The following CBL variants were observed in gnomAD, a reference collection of about 807,000 sequenced individuals.
The protein encoded by CBL is Cbl proto-oncogene.
CBL carries 45 observed loss-of-function variants against 96.9 expected under a neutral mutation model. The observed-to-expected ratio is 0.46, with a 90% confidence interval of 0.37 to 0.60. The LOEUF is 0.60. CBL is among the 20% of genes least tolerant of loss of function. The probability of loss-of-function intolerance (pLI) is 0.00; values close to 1 mark genes in which losing one functional copy is unlikely to be tolerated. For missense variants in CBL, 1,024 were observed against 1,143.5 expected, an observed-to-expected ratio of 0.90 and a Z score of 1.51; for synonymous variants, 420 against 426.8, an observed-to-expected ratio of 0.98 and a Z score of 0.20.
rs756478069 is a variant in CBL at position 119,273,851 on chromosome 11, C to A, written c.591-17C>A. On this transcript the variant is annotated splice_polypyrimidine_tract_variant and intron_variant, in intron 3 of 15. Transcript: ENST00000264033. ...TCTGTTATTTCACTTTATGCCTCCTCTCCACCCCCTCCCCAGGACAATAGT... is the reference window on the plus strand; with the variant it reads ...TCTGTTATTTCACTTTATGCCTCCTATCCACCCCCTCCCCAGGACAATAGT... The A allele has an allele frequency of 1.2e-6, 2 of 1,611,930 alleles. No individual in the cohort carries two copies. The highest frequency in any genetic ancestry group is 1.7e-6 in the Non-Finnish European group (2 of 1,178,230).
intron 12 of CBL, among the ~76,000 whole-genome samples, chr11:119,293,556 C>T (rs1347613685): frequency 6.6e-6 from 1 of 152,070 alleles, no homozygotes; most frequent in African/African-American, 2.4e-5. Context: ...TAGCCCCAAG[C>T]GTAAACAGTT....
intron 2 of CBL, among the ~76,000 whole-genome samples, chr11:119,258,804 TTCTTTA>T (rs1304537953): frequency 6.6e-6 from 1 of 152,232 alleles, no homozygotes; most frequent in Non-Finnish European, 1.5e-5. Flanking sequence ...TTGCTTTTAA[TTCTTTA>T]AAAAATGATG....
chr11:119,254,461 A>G lies in CBL; in HGVS notation c.444-17274A>G, dbSNP rs140955490. On this transcript the variant is annotated intron_variant, in intron 2 of 15. Coordinates refer to ENST00000264033, the MANE Select transcript of CBL (RefSeq NM_005188.4). ...CCCACACACCTAGGCTATACGGTAG[A>G]GCTTATTGCTCATAGGCTACCAACC... Among the ~76,000 whole-genome samples, 1,079 of 152,296 alleles carry G rather than the reference A, an allele frequency of 7.1e-3. 7 individuals are homozygous for G. Among genetic ancestry groups the G allele is most frequent in the Middle Eastern group, 0.017 (5 of 294 alleles).
intron 9 of CBL, among the ~76,000 whole-genome samples, chr11:119,280,292 A>T (rs1652146276): frequency 6.6e-6 from 1 of 152,224 alleles, no homozygotes; most frequent in Non-Finnish European, 1.5e-5. Context: ...GGCTTATGGG[A>T]ATATCACAGT....
intron 1 of CBL, among the ~76,000 whole-genome samples, chr11:119,218,816 A>G (rs964681285): frequency 1.3e-5 from 2 of 152,234 alleles, no homozygotes. Flanking sequence ...AAGAAAAGCC[A>G]GAAAATGCCT....
At chr11:119,249,774 A>G (rs1949658021) in intron 2 of CBL, among the ~76,000 whole-genome samples, 1 of 151,322 alleles carries the variant, frequency 6.6e-6, no homozygotes, top group Non-Finnish European at 1.5e-5. Context: ...CCTCCCACCT[A>G]AGCTTCCCAA....
At chr11:119,240,462 C>T (rs536454220) in intron 2 of CBL, among the ~76,000 whole-genome samples, 4 of 152,220 alleles carry the variant, frequency 2.6e-5, no homozygotes, top group East Asian at 3.9e-4. Context: ...CAGATTAATG[C>T]GTAAATTGCA....
chr11:119,226,184 G>A (rs1949457217), intron 1 of CBL, among the ~76,000 whole-genome samples: 1 of 152,138 alleles, frequency 6.6e-6, no homozygotes, highest in South Asian at 2.1e-4. Flanking sequence ...GCAGGACTGG[G>A]ACAGTAGTTG....
chr11:119,217,301 C>T (rs955210671), intron 1 of CBL, among the ~76,000 whole-genome samples: 2 of 152,042 alleles, frequency 1.3e-5, no homozygotes, highest in African/African-American at 2.4e-5. Context: ...TTTTAGTAGA[C>T]GGGGTTTCTC....
At chr11:119,241,215 T>C (rs1477915834) in intron 2 of CBL, among the ~76,000 whole-genome samples, 1 of 152,250 alleles carries the variant, frequency 6.6e-6, no homozygotes, top group East Asian at 1.9e-4. Context: ...TCTTAGACTT[T>C]ATAAAAAATG....
At position 119,299,921 on chromosome 11, in the gene CBL, C is replaced by A; in HGVS notation, c.*140C>A. ...TCTGTGGGATATCACATCAGTGGTT[C>A]CAAGATTTCAAAGTGGTGAAATGAA... is the stretch of plus-strand genomic sequence containing the variant. On this transcript the variant is annotated 3_prime_UTR_variant, in exon 16 of 16. Transcript: ENST00000264033. 1.2e-6 allele frequency: 1 copy of A among 832,144 alleles called. No individual in the cohort carries two copies. 51.5% of individuals were successfully genotyped at this position (832,144 alleles called of 1,614,324 possible). A position where few individuals can be genotyped will look rare whatever the true frequency, so the allele number is the denominator to read the frequency against.
At chr11:119,285,836 C>CAA (rs1333760999) in intron 11 of CBL, among the ~76,000 whole-genome samples, 4 of 151,484 alleles carry the variant, frequency 2.6e-5, no homozygotes, top group African/African-American at 9.7e-5. Flanking sequence ...GCCAAGCTTT[C>CAA]AGTGAGCCAT....
At chr11:119,255,088 G>T (rs1489398259) in intron 2 of CBL, among the ~76,000 whole-genome samples, 1 of 152,144 alleles carries the variant, frequency 6.6e-6, no homozygotes, top group African/African-American at 2.4e-5. Context: ...CTCCATGAAA[G>T]AATTCTGCCT....
chr11:119,233,023 T>G (rs749726473), intron 2 of CBL, among the ~76,000 whole-genome samples: 14 of 152,140 alleles, frequency 9.2e-5, no homozygotes, highest in Middle Eastern at 3.4e-3. Flanking sequence ...TAAGTGGAGT[T>G]TGGGAGTAAA....
Position 119,297,385 on chromosome 11 carries a change from G to T in CBL, c.2155G>T (p.Ala719Ser), listed in dbSNP as rs757126995. The change falls in exon 14 of 16, where the codon GCA (alanine) becomes TCA (serine). Residue 719 changes from alanine to serine, a missense_variant and splice_region_variant. Coordinates refer to ENST00000264033, the MANE Select transcript of CBL (RefSeq NM_005188.4). Reference sequence around the variant, plus strand: ...TATGGCACTTTCCTTCTGGTTCAGAGCATGTGATTGCGACCAGCAGATTGA... The same window carrying T: ...TATGGCACTTTCCTTCTGGTTCAGATCATGTGATTGCGACCAGCAGATTGA... ...RPLDTSQSSR[A>S]CDCDQQIDSC... 1.2e-6 allele frequency: 2 copies of T among 1,610,614 alleles called. No individual in the cohort carries two copies. Among genetic ancestry groups the T allele is most frequent in the East Asian group, 4.5e-5 (2 of 44,870 alleles).
intron 2 of CBL, among the ~76,000 whole-genome samples, chr11:119,248,943 G>C (rs1448933827): frequency 2.0e-5 from 3 of 152,166 alleles, no homozygotes; most frequent in Non-Finnish European, 4.4e-5. Context: ...CCACTTCACA[G>C]CTGTTAGGTG....
rs539341635 is a variant in CBL at position 119,306,548 on chromosome 11, C to T, written c.*6767C>T. 5.1e-6 allele frequency: 2 copies of T among 395,260 alleles called. No homozygotes were observed. Among genetic ancestry groups the T allele is most frequent in the South Asian group, 1.4e-4 (1 of 6,996 alleles). 24.5% of individuals were successfully genotyped at this position (395,260 alleles called of 1,614,324 possible). A position where few individuals can be genotyped will look rare whatever the true frequency, so the allele number is the denominator to read the frequency against. On this transcript the variant is annotated 3_prime_UTR_variant, in exon 16 of 16. Transcript: ENST00000264033. ...CCCTGAAGCAGGGTGTCCTGGGTGC[C>T]TGTGTGTCAGCTCCCTCCTCTCTAC...
At chr11:119,252,486 C>T (rs1949676272) in intron 2 of CBL, among the ~76,000 whole-genome samples, 1 of 152,120 alleles carries the variant, frequency 6.6e-6, no homozygotes, top group South Asian at 2.1e-4. Context: ...AAATAGCAAT[C>T]TAAGTGCTAT....
chr11:119,208,289 G>C (rs756444693), intron 1 of CBL, among the ~76,000 whole-genome samples: 5 of 152,094 alleles, frequency 3.3e-5, no homozygotes, highest in African/African-American at 4.8e-5. Flanking sequence ...TCTAATGAGT[G>C]TCTCGTATCA....
Sources: gnomAD v4.1 joint callset for allele counts (sites outside exome capture counted in the v4.1 genomes callset) on GRCh38, gnomAD v4.1.1 for gene constraint, MANE v1.5 for transcripts, NCBI Gene and HGNC (gene_info 2026-07-23, HGNC 2026-07-21) for gene names.